Variants in MAP2K6 observed in about 807,000 individuals in gnomAD.
The protein encoded by MAP2K6 is dual specificity mitogen-activated protein kinase kinase 6.
In MAP2K6, 16 loss-of-function variants were observed where a neutral mutation model predicts 53.7. That is an observed-to-expected ratio of 0.30 (90% confidence interval 0.20 to 0.45). The LOEUF is 0.45. MAP2K6 is among the 20% of genes least tolerant of loss of function. The pLI, the probability that MAP2K6 is intolerant of heterozygous loss-of-function variation, is 1.00. For synonymous variants in MAP2K6, 132 were observed against 143.1 expected, an observed-to-expected ratio of 0.92 and a Z score of 0.55; for missense variants, 204 against 411.9, an observed-to-expected ratio of 0.50 and a Z score of 4.37.
Position 69,465,632 on chromosome 17 carries a change from T to C in MAP2K6, c.17-40148T>C, listed in dbSNP as rs555486132. ...GATGTTTTGTTTTTTTCTTTTTTTTTTTTTGAAACAAAGTTTCGCTCTTGT... is the reference window on the plus strand; with the variant it reads ...GATGTTTTGTTTTTTTCTTTTTTTTCTTTTGAAACAAAGTTTCGCTCTTGT... On this transcript the variant is annotated intron_variant, in intron 1 of 11. Transcript: ENST00000590474. 3.3e-5 allele frequency among the ~76,000 whole-genome samples: 5 copies of C among 151,440 alleles called. No homozygotes were observed. The East Asian group carries it at 9.8e-4, about 30-fold the overall frequency.
intron 10 of MAP2K6, among the ~76,000 whole-genome samples, chr17:69,533,429 C>A (rs999390136): frequency 3.3e-5 from 5 of 152,168 alleles, no homozygotes; most frequent in African/African-American, 1.2e-4. Context: ...AAAATCAGCA[C>A]ATTTTTACAT....
intron 1 of MAP2K6, among the ~76,000 whole-genome samples, chr17:69,429,546 A>G (rs1481138822): frequency 6.6e-6 from 1 of 152,202 alleles, no homozygotes; most frequent in Non-Finnish European, 1.5e-5. Context: ...TGTGTTACCA[A>G]GCTCTTGCAA....
At chr17:69,535,929 G>A in intron 10 of MAP2K6, 186 bp from the exon 11 acceptor site, 1 of 518,404 alleles carries the variant, frequency 1.9e-6, no homozygotes, top group East Asian at 3.5e-5. Flanking sequence ...TCCCATTAAG[G>A]CACAACCAGG....
intron 1 of MAP2K6, among the ~76,000 whole-genome samples, chr17:69,473,789 G>A (rs572710344): frequency 1.9e-3 from 284 of 152,228 alleles, no homozygotes; most frequent in Non-Finnish European, 3.3e-3. Flanking sequence ...TGTGTTCAGG[G>A]TTCAATATAT....
At chr17:69,430,689 A>G (rs927439629) in intron 1 of MAP2K6, among the ~76,000 whole-genome samples, 3 of 152,298 alleles carry the variant, frequency 2.0e-5, no homozygotes, top group African/African-American at 2.4e-5. Context: ...AGTGGGACCA[A>G]TGGAGTCAGA....
chr17:69,528,656 C>T (rs1466782832), intron 10 of MAP2K6, among the ~76,000 whole-genome samples: 7 of 151,722 alleles, frequency 4.6e-5, no homozygotes, highest in African/African-American at 9.7e-5. Context: ...GTCAGGAGTT[C>T]GAGACCAGCC....
At chr17:69,540,579 G>C (rs1172420944) in intron 11 of MAP2K6, among the ~76,000 whole-genome samples, 2 of 152,198 alleles carry the variant, frequency 1.3e-5, no homozygotes, top group South Asian at 2.1e-4. Flanking sequence ...AGAGAAAATG[G>C]CTTCCTGCTC....
chr17:69,463,528 A>G (rs1598274360), intron 1 of MAP2K6, among the ~76,000 whole-genome samples: 1 of 150,174 alleles, frequency 6.7e-6, no homozygotes, highest in Non-Finnish European at 1.5e-5. Context: ...ATACACACGC[A>G]ATCTTGGCTC....
intron 1 of MAP2K6, among the ~76,000 whole-genome samples, chr17:69,438,007 G>A (rs180769223): frequency 7.4e-4 from 113 of 152,308 alleles, no homozygotes; most frequent in South Asian, 3.3e-3. Flanking sequence ...CTGGAGAGCC[G>A]CTGAAAAAGT....
intron 10 of MAP2K6, among the ~76,000 whole-genome samples, chr17:69,531,442 C>T (rs1448995727): frequency 6.6e-6 from 1 of 152,098 alleles, no homozygotes; most frequent in Non-Finnish European, 1.5e-5. Context: ...ATTCTGTATC[C>T]AGGGAATTGA....
chr17:69,511,171 G>A (rs1909788763), intron 2 of MAP2K6, among the ~76,000 whole-genome samples: 1 of 152,034 alleles, frequency 6.6e-6, no homozygotes, highest in Non-Finnish European at 1.5e-5. Context: ...CCCTCGTATG[G>A]TATTAATAAG....
chr17:69,539,729 G>A (rs1911521555), intron 11 of MAP2K6, among the ~76,000 whole-genome samples: 1 of 152,156 alleles, frequency 6.6e-6, no homozygotes. Context: ...GGCAGGTGTT[G>A]GAAGCAGTCA....
chr17:69,517,119 A>G (rs1401055833), intron 3 of MAP2K6, among the ~76,000 whole-genome samples: 1 of 151,690 alleles, frequency 6.6e-6, no homozygotes, highest in Non-Finnish European at 1.5e-5. Context: ...TGAATAGAGT[A>G]GATGGTTCTC....
At chr17:69,529,700 C>T (rs1323286468) in intron 10 of MAP2K6, among the ~76,000 whole-genome samples, 3 of 151,874 alleles carry the variant, frequency 2.0e-5, no homozygotes, top group Admixed American at 6.6e-5. Flanking sequence ...TTAGTAAAGA[C>T]GGGGTTTCAC....
At chr17:69,502,765 C>T (rs948795885) in intron 1 of MAP2K6, 9 of 919,130 alleles carry the variant, frequency 9.8e-6, no homozygotes, top group African/African-American at 8.9e-5. Flanking sequence ...AAGGCCTTCT[C>T]CTCCCACTTG....
At chr17:69,533,788 G>A (rs1421169792) in intron 10 of MAP2K6, among the ~76,000 whole-genome samples, 1 of 150,876 alleles carries the variant, frequency 6.6e-6, no homozygotes, top group Non-Finnish European at 1.5e-5. Flanking sequence ...AACGCTCCTG[G>A]GATCACATTG....
intron 1 of MAP2K6, among the ~76,000 whole-genome samples, chr17:69,416,827 G>A (rs1429020918): frequency 6.6e-6 from 1 of 152,192 alleles, no homozygotes; most frequent in Non-Finnish European, 1.5e-5. Flanking sequence ...TATGAAGAGG[G>A]TGGTGTTTAC....
chr17:69,444,826 C>T (rs572840584), intron 1 of MAP2K6, among the ~76,000 whole-genome samples: 3 of 152,326 alleles, frequency 2.0e-5, no homozygotes, highest in Non-Finnish European at 4.4e-5. Flanking sequence ...GCATGACAAA[C>T]GTCCACTGAA....
rs1011315423 is a variant in MAP2K6 at position 69,494,223 on chromosome 17, T to A, written c.17-11557T>A. 6.6e-6 allele frequency among the ~76,000 whole-genome samples: 1 copy of A among 152,100 alleles called. No homozygotes were observed. Among genetic ancestry groups the A allele is most frequent in the African/African-American group, 2.4e-5 (1 of 41,408 alleles). ...CAAAAAGAAATGGAGGGAGGTCAGG[T>A]GCAGTGGCTCACGCCTGTAATCCCA... is the stretch of plus-strand genomic sequence containing the variant. On this transcript the variant is annotated intron_variant, in intron 1 of 11. Coordinates refer to ENST00000590474, the MANE Select transcript of MAP2K6 (RefSeq NM_002758.4). The surrounding 1 kb of genome is among the most constrained non-coding windows in gnomAD (Gnocchi z 4.2).
Sources: allele counts gnomAD v4.1 joint callset (sites outside exome capture counted in the v4.1 genomes callset), GRCh38; gene constraint gnomAD v4.1.1; non-coding constraint Gnocchi (gnomAD v3.1); transcripts MANE v1.5; gene names NCBI Gene and HGNC (gene_info 2026-07-23, HGNC 2026-07-21).